Variants in PCDH15 observed in about 807,000 individuals in gnomAD.
The protein encoded by PCDH15 is protocadherin-15.
PCDH15 carries 129 observed loss-of-function variants against 178.5 expected under a neutral mutation model. The ratio of observed to expected loss-of-function variants is 0.72; its 90% CI spans 0.63 to 0.84. PCDH15 has a LOEUF of 0.84. Ranked by LOEUF, PCDH15 falls within the 40% of genes least tolerant of loss-of-function variation. PCDH15 has a pLI of 0.00. For synonymous variants in PCDH15, 800 were observed against 732.0 expected, an observed-to-expected ratio of 1.09 and a Z score of -1.50; for missense variants, 2,230 against 2,099.9, an observed-to-expected ratio of 1.06 and a Z score of -1.21.
At chr10:53,822,070 C>A in intron 32 of PCDH15, 1 of 1,614,042 alleles carries the variant, frequency 6.2e-7, no homozygotes, top group Non-Finnish European at 8.5e-7. Flanking sequence ...AAGTTTTTAA[C>A]GTGTCTGAGG....
At position 55,303,102 on chromosome 10, in the gene PCDH15, TATAC is replaced by T. The variant is rs1253911379; in HGVS notation, c.-156+16493_-156+16496del. Among the ~76,000 whole-genome samples, 332 of 151,894 alleles carry T rather than the reference TATAC, an allele frequency of 2.2e-3. 3 individuals are homozygous for T. Among genetic ancestry groups the T allele is most frequent in the Middle Eastern group, 6.8e-3 (2 of 294 alleles). ...GATATTTGAGATATATATATATATA[TATAC>T]ACACACACACGGAAATGTTTTTGTA... On this transcript the variant is annotated intron_variant, in intron 1 of 5. Coordinates refer to the PCDH15 transcript ENST00000458638.
intron 18 of PCDH15, among the ~76,000 whole-genome samples, chr10:54,044,053 G>T (rs2135543480): frequency 6.6e-6 from 1 of 152,200 alleles, no homozygotes; most frequent in Non-Finnish European, 1.5e-5. Context: ...TTCCCAAAAA[G>T]AACAGCAGGA....
chr10:54,735,482 G>A (rs1371351384), intron 1 of PCDH15, among the ~76,000 whole-genome samples: 1 of 150,684 alleles, frequency 6.6e-6, no homozygotes, highest in African/African-American at 2.4e-5. Flanking sequence ...TCTAGAACTA[G>A]AAATACCATT....
At chr10:53,877,478 T>TTCAGTA (rs2080330577) in intron 26 of PCDH15, among the ~76,000 whole-genome samples, 1 of 151,424 alleles carries the variant, frequency 6.6e-6, no homozygotes, top group Non-Finnish European at 1.5e-5. Flanking sequence ...CTTAAACAGC[T>TTCAGTA]TATCTTTTAC....
At chr10:55,511,109 C>G (rs1840875732) in intron 2 of PCDH15, among the ~76,000 whole-genome samples, 1 of 151,330 alleles carries the variant, frequency 6.6e-6, no homozygotes, top group African/African-American at 2.4e-5. Flanking sequence ...CTGAGCTCAA[C>G]CAGTCCTCCC....
intron 2 of PCDH15, among the ~76,000 whole-genome samples, chr10:55,429,451 CATGCTT>C (rs1838830782): frequency 6.6e-6 from 1 of 152,086 alleles, no homozygotes; most frequent in African/African-American, 2.4e-5. Flanking sequence ...ACTCTGCTGT[CATGCTT>C]ATGTTATATA....
At chr10:54,877,921 T>C (rs1954174649) in intron 3 of PCDH15, among the ~76,000 whole-genome samples, 1 of 138,390 alleles carries the variant, frequency 7.2e-6, no homozygotes, top group Admixed American at 8.1e-5. Flanking sequence ...TCTCTTATTC[T>C]CTTTCTCTCT....
At chr10:54,833,446 T>C (rs1261318921) in intron 3 of PCDH15, among the ~76,000 whole-genome samples, 1 of 152,154 alleles carries the variant, frequency 6.6e-6, no homozygotes, top group Non-Finnish European at 1.5e-5. Context: ...ACAGTTGAAG[T>C]TCTTAAGAAC....
intron 8 of PCDH15, among the ~76,000 whole-genome samples, chr10:54,250,077 C>CTATTTTTTTTTTTTTTTT (rs1412806029): frequency 2.2e-5 from 3 of 137,806 alleles, no homozygotes; most frequent in African/African-American, 8.1e-5. Context: ...CCACATCCGG[C>CTATTTTTTTTTTTTTTTT]TTTTTTTTTT....
At chr10:53,841,875 C>T (rs2077668283) in intron 28 of PCDH15, among the ~76,000 whole-genome samples, 1 of 148,920 alleles carries the variant, frequency 6.7e-6, no homozygotes, top group Admixed American at 6.7e-5. Context: ...ACAGAAGAAT[C>T]GCTTGAACCC....
intron 2 of PCDH15, among the ~76,000 whole-genome samples, chr10:54,535,032 G>C (rs2084325494): frequency 6.6e-6 from 1 of 152,170 alleles, no homozygotes; most frequent in South Asian, 2.1e-4. Flanking sequence ...TTTAAGGACA[G>C]AGCAAGTAAT....
At chr10:55,233,890 C>G (rs145923466) in intron 1 of PCDH15, among the ~76,000 whole-genome samples, 1 of 151,940 alleles carries the variant, frequency 6.6e-6, no homozygotes. Flanking sequence ...ATGAGACCAC[C>G]CCCAAAAATG....
chr10:54,231,402 G>A (rs909466249), intron 9 of PCDH15, among the ~76,000 whole-genome samples: 1 of 152,228 alleles, frequency 6.6e-6, no homozygotes, highest in Non-Finnish European at 1.5e-5. Flanking sequence ...AGGATGTATG[G>A]AAATGTCTGG....
intron 1 of PCDH15, among the ~76,000 whole-genome samples, chr10:55,296,110 G>A (rs1368856323): frequency 6.6e-6 from 1 of 152,144 alleles, no homozygotes; most frequent in African/African-American, 2.4e-5. Flanking sequence ...AATAAGTGAT[G>A]CATGGGGCAA....
chr10:55,126,720 C>T lies in PCDH15; in HGVS notation c.-80+39856G>A, dbSNP rs1396846456. On this transcript the variant is annotated intron_variant, in intron 2 of 5. Transcript: ENST00000458638. ...CAAAACAAAGGATAATATTTCTAGA[C>T]ATAGATATCAGTTGATATTTGATAT... Among the ~76,000 whole-genome samples the T allele has an allele frequency of 2.6e-5, 4 of 151,986 alleles. No individual in the cohort carries two copies. The South Asian group carries it at 6.2e-4, about 24-fold the overall frequency.
rs192134966 is a variant in PCDH15, at chr10:55,458,469, A to T, written c.-156+169156T>A. On this transcript the variant is annotated intron_variant, in intron 2 of 5. Transcript: ENST00000613346. ...TCTTATGATTCCTCTTAATCATACC[A>T]TTTAAATTTGTCTGTTTTAAAGAAA... Among the ~76,000 whole-genome samples, 300 of 152,196 alleles carry T rather than the reference A, an allele frequency of 2.0e-3. 2 individuals are homozygous for T. Among genetic ancestry groups the T allele is most frequent in the African/African-American group, 7.0e-3 (290 of 41,574 alleles).
intron 10 of PCDH15, among the ~76,000 whole-genome samples, chr10:54,208,604 C>T (rs1040332414): frequency 6.6e-6 from 1 of 151,994 alleles, no homozygotes; most frequent in African/African-American, 2.4e-5. Context: ...TAGAACCCGA[C>T]CATATTGAGT....
intron 21 of PCDH15, among the ~76,000 whole-genome samples, chr10:53,965,224 A>AT (rs912403753): frequency 2.6e-4 from 40 of 151,648 alleles, no homozygotes; most frequent in Admixed American, 2.6e-4. Flanking sequence ...TGCCCGGCTA[A>AT]TTTTTTTCTA....
chr10:55,237,208 T>C (rs1182525864), intron 1 of PCDH15, among the ~76,000 whole-genome samples: 1 of 152,108 alleles, frequency 6.6e-6, no homozygotes, highest in Non-Finnish European at 1.5e-5. Flanking sequence ...GGCTGCACAA[T>C]GCACTATATT....
Sources: allele counts gnomAD v4.1 joint callset (sites outside exome capture counted in the v4.1 genomes callset), GRCh38; gene constraint gnomAD v4.1.1; transcripts MANE v1.5; gene names NCBI Gene and HGNC (gene_info 2026-07-23, HGNC 2026-07-21).